Variants in GLI2 observed in about 807,000 individuals in gnomAD.
GLI2 encodes the protein GLI family zinc finger 2.
A neutral mutation model predicts 78.9 loss-of-function variants in GLI2; 22 were observed. The observed-to-expected ratio is 0.28, with a 90% CI of 0.20 to 0.40. The LOEUF (loss-of-function observed/expected upper bound fraction) is 0.40. GLI2 is among the 10% of genes least tolerant of loss of function. GLI2 has a pLI of 1.00. For missense variants in GLI2, 2,097 were observed against 2,213.2 expected (o/e 0.95, Z 1.05); for synonymous variants, 974 against 963.7 (o/e 1.01, Z -0.20).
At chr2:120,864,242 G>A (rs529955768) in intron 2 of GLI2, among the ~76,000 whole-genome samples, 8 of 152,334 alleles carry the variant, frequency 5.3e-5, no homozygotes, top group Non-Finnish European at 1.2e-4. Flanking sequence ...ACTGTCCCCT[G>A]GGACAAGAGC....
chr2:120,986,676 G>A, intron 13 of GLI2, 62 bp downstream of exon 13: 1 of 1,341,966 alleles, frequency 7.5e-7, no homozygotes, highest in South Asian at 1.2e-5. Flanking sequence ...CACCAACTAG[G>A]CTGGCACCCA....
At chr2:120,889,842 G>A (rs1677594082) in intron 2 of GLI2, among the ~76,000 whole-genome samples, 3 of 152,134 alleles carry the variant, frequency 2.0e-5, no homozygotes, top group Admixed American at 2.0e-4. Context: ...AGAGAAACAG[G>A]AGCACTCACA....
chr2:120,810,207 G>A (rs1052675316), intron 2 of GLI2, among the ~76,000 whole-genome samples: 4 of 152,246 alleles, frequency 2.6e-5, no homozygotes, highest in Admixed American at 6.5e-5. Flanking sequence ...TCCAAGGAGG[G>A]GGATGGTCTT....
chr2:120,962,565 G>C (rs1450568994), intron 5 of GLI2, among the ~76,000 whole-genome samples: 1 of 152,220 alleles, frequency 6.6e-6, no homozygotes, highest in Non-Finnish European at 1.5e-5. Flanking sequence ...CCGCCCAGGT[G>C]AGGGTGGGCA....
intron 1 of GLI2, among the ~76,000 whole-genome samples, chr2:120,736,655 G>A (rs1682366232): frequency 6.6e-6 from 1 of 152,006 alleles, no homozygotes; most frequent in South Asian, 2.1e-4. Context: ...GGGTGGGATC[G>A]GAGGCTGGGA....
At chr2:120,793,212 C>T (rs1185636132) in intron 1 of GLI2, among the ~76,000 whole-genome samples, 1 of 152,232 alleles carries the variant, frequency 6.6e-6, no homozygotes, top group Admixed American at 6.5e-5. Flanking sequence ...GGTGCCCGCT[C>T]CCACCCCCTT....
chr2:120,879,964 A>G (rs1211162660), intron 2 of GLI2, among the ~76,000 whole-genome samples: 1 of 152,170 alleles, frequency 6.6e-6, no homozygotes, highest in Non-Finnish European at 1.5e-5. Flanking sequence ...CATATAGGGA[A>G]GTGTGTATAT....
At chr2:120,957,578 G>A (rs936698311) in intron 5 of GLI2, among the ~76,000 whole-genome samples, 3 of 152,216 alleles carry the variant, frequency 2.0e-5, no homozygotes, top group Non-Finnish European at 4.4e-5. Flanking sequence ...GGGCCTGAGG[G>A]TGGCACCAGG....
At chr2:120,899,066 C>T (rs530589653) in intron 2 of GLI2, among the ~76,000 whole-genome samples, 1 of 152,312 alleles carries the variant, frequency 6.6e-6, no homozygotes, top group South Asian at 2.1e-4. Context: ...ACGCCTCTCT[C>T]CAAACACTGG....
At chr2:120,818,082 C>G (rs11122820) in intron 2 of GLI2, among the ~76,000 whole-genome samples, 66,589 of 152,098 alleles carry the variant, frequency 0.44, 15,120 homozygotes, top group South Asian at 0.52. Flanking sequence ...GTTCAAGGGC[C>G]CTGTGGCCCT....
intron 2 of GLI2, among the ~76,000 whole-genome samples, chr2:120,900,353 G>A (rs1303002499): frequency 6.6e-6 from 1 of 152,200 alleles, no homozygotes; most frequent in South Asian, 2.1e-4. Context: ...GTCCAGGATG[G>A]GGTCTGGGAG....
At chr2:120,979,496 A>G (rs1198439594) in intron 10 of GLI2, among the ~76,000 whole-genome samples, 1 of 152,206 alleles carries the variant, frequency 6.6e-6, no homozygotes, top group African/African-American at 2.4e-5. Context: ...TTTCACCTTA[A>G]TATCTCTGAA....
intron 3 of GLI2, among the ~76,000 whole-genome samples, chr2:120,940,167 A>G (rs1206861112): frequency 1.3e-5 from 2 of 152,134 alleles, no homozygotes; most frequent in African/African-American, 2.4e-5. Flanking sequence ...AAGGTTACTC[A>G]TTATGTGGTT....
Position 120,970,450 on chromosome 2 carries a change from C to A in GLI2, c.903C>A (p.Ser301Arg), listed in dbSNP as rs768416096. The A allele has an allele frequency of 3.7e-6, 6 of 1,613,932 alleles. No individual in the cohort carries two copies. The highest frequency in any genetic ancestry group is 5.1e-6 in the Non-Finnish European group (6 of 1,179,878). Residue 301 changes from serine to arginine, a missense_variant, in exon 7 of 14, where the codon AGC becomes AGA. By Grantham distance (110) the Ser-to-Arg change is moderately radical (BLOSUM62 -1). Transcript: ENST00000361492. The stretch of plus-strand genomic sequence containing the variant: ...CCGTGGCCTACCAGCAGATTCTGAG[C>A]CAGCAGAGGGGTCTGGGGTCAGCCT... The part of the protein sequence containing the change: ...INPVAYQQIL[S>R]QQRGLGSAFG...
At chr2:120,877,449 T>C (rs1404087365) in intron 2 of GLI2, among the ~76,000 whole-genome samples, 2 of 152,158 alleles carry the variant, frequency 1.3e-5, no homozygotes, top group Non-Finnish European at 2.9e-5. Flanking sequence ...TTTGAACACA[T>C]CCACGTAACC....
At chr2:120,839,631 C>A (rs1686774833) in intron 2 of GLI2, among the ~76,000 whole-genome samples, 1 of 152,164 alleles carries the variant, frequency 6.6e-6, no homozygotes, top group African/African-American at 2.4e-5. Context: ...GACACGAATT[C>A]AGCTCACTGC....
At chr2:120,812,918 T>C (rs895484) in intron 2 of GLI2, among the ~76,000 whole-genome samples, 76,130 of 152,032 alleles carry the variant, frequency 0.5, 19,153 homozygotes, top group South Asian at 0.53. Flanking sequence ...CTCTTCTTTC[T>C]GTGTGTCCCC....
chr2:120,910,775 C>T (rs1678777419), intron 2 of GLI2, among the ~76,000 whole-genome samples: 1 of 152,242 alleles, frequency 6.6e-6, no homozygotes, highest in Non-Finnish European at 1.5e-5. Flanking sequence ...GATAACTCCC[C>T]TCCCCTGGGT....
intron 2 of GLI2, among the ~76,000 whole-genome samples, chr2:120,818,237 G>T (rs1162115570): frequency 6.6e-6 from 1 of 152,230 alleles, no homozygotes; most frequent in Non-Finnish European, 1.5e-5. Flanking sequence ...GGGCAGGGGT[G>T]TGGAGGGTGA....
Sources: gnomAD v4.1 joint callset for allele counts (sites outside exome capture counted in the v4.1 genomes callset) on GRCh38, gnomAD v4.1.1 for gene constraint, MANE v1.5 for transcripts, NCBI Gene and HGNC (gene_info 2026-07-23, HGNC 2026-07-21) for gene names.